NALCN: variants seen among roughly 807,000 people sequenced by gnomAD.
The protein encoded by NALCN is sodium leak channel, non-selective.
Under a neutral mutation model 225.3 loss-of-function variants are expected in NALCN, and 111 were observed. The ratio of observed to expected loss-of-function variants is 0.49; its 90% CI spans 0.42 to 0.58. NALCN has a LOEUF of 0.58. Among genes scored for constraint, NALCN ranks in the 20% least tolerant of loss-of-function variants. The pLI is 0.00. For missense variants in NALCN, 1,378 were observed against 2,202.4 expected, an observed-to-expected ratio of 0.63 and a Z score of 7.49; for synonymous variants, 764 against 769.0, an observed-to-expected ratio of 0.99 and a Z score of 0.11.
chr13:101,310,476 T>C (rs2044302119), intron 7 of NALCN, among the ~76,000 whole-genome samples: 1 of 152,122 alleles, frequency 6.6e-6, no homozygotes, highest in African/African-American at 2.4e-5. Context: ...GACTTGCCCC[T>C]TCCCAACTAC....
chr13:101,190,844 T>A (rs2039650329), intron 14 of NALCN, among the ~76,000 whole-genome samples: 1 of 152,210 alleles, frequency 6.6e-6, no homozygotes, highest in African/African-American at 2.4e-5. Context: ...GACAAAGACA[T>A]TTTTTCAGAC....
intron 10 of NALCN, among the ~76,000 whole-genome samples, chr13:101,265,276 C>A (rs751892112): frequency 2.0e-5 from 3 of 152,124 alleles, no homozygotes; most frequent in Non-Finnish European, 4.4e-5. Flanking sequence ...TGGTACCTGA[C>A]CATAGGGTTC....
chr13:101,288,420 C>G (rs911275753), intron 9 of NALCN, among the ~76,000 whole-genome samples: 1 of 152,174 alleles, frequency 6.6e-6, no homozygotes, highest in Admixed American at 6.5e-5. Flanking sequence ...CATTTTGGAT[C>G]ATGTGTCTTT....
intron 10 of NALCN, among the ~76,000 whole-genome samples, chr13:101,271,006 A>AT (rs2042758719): frequency 6.6e-6 from 1 of 152,222 alleles, no homozygotes; most frequent in African/African-American, 2.4e-5. Flanking sequence ...AATTAATATA[A>AT]TTGTAAACAT....
At position 101,083,317 on chromosome 13, in the gene NALCN, C is replaced by G. The variant is rs140429825; in HGVS notation, c.3584-119G>C. On this transcript the variant is annotated intron_variant, in intron 31 of 43. Transcript: ENST00000251127. ...TTACATTTTTCTCCCCAAACAGTTC[C>G]GTCTATTGTGAGGTGTTTTTGCAGC... 1.5e-3 allele frequency: 1,243 copies of G among 842,946 alleles called. 1 individual carries two copies. The highest frequency in any genetic ancestry group is 6.6e-3 in the Middle Eastern group (19 of 2,900). The allele number at this position is 842,946 out of a possible 1,614,324, so 52.2% of individuals were successfully genotyped here. A position where few individuals can be genotyped will look rare whatever the true frequency, so the allele number is the denominator to read the frequency against.
In NALCN at chr13:101,147,367, T is replaced by C. The variant is rs543016519; in HGVS notation, c.1840-2471A>G. On this transcript the variant is annotated intron_variant, in intron 15 of 43. Coordinates refer to ENST00000251127, the MANE Select transcript of NALCN (RefSeq NM_052867.4). ...TCCTCTCTCTCTCTTTTTTTTTTTT[T>C]TTTTTGAGATGGAGTCTTGCTCTGT... Among the ~76,000 whole-genome samples the C allele has an allele frequency of 1.8e-4, 27 of 149,696 alleles. No individual in the cohort carries two copies. The Middle Eastern group carries it at 0.01, about 57-fold the overall frequency.
intron 20 of NALCN, 137 bp from the exon 21 acceptor site, chr13:101,107,926 CATATATTT>C (rs1171518999): frequency 5.9e-5 from 19 of 321,440 alleles, no homozygotes; most frequent in East Asian, 1.8e-4. Context: ...TACTGTTAAA[CATATATTT>C]ATATATTTAT....
intron 40 of NALCN, among the ~76,000 whole-genome samples, chr13:101,062,818 G>T (rs1235465844): frequency 2.6e-5 from 4 of 152,016 alleles, no homozygotes; most frequent in African/African-American, 9.7e-5. Flanking sequence ...GGTCAAACTG[G>T]TCTTAAACTC....
intron 3 of NALCN, among the ~76,000 whole-genome samples, chr13:101,391,090 A>T (rs890399482): frequency 6.6e-6 from 1 of 152,176 alleles, no homozygotes; most frequent in African/African-American, 2.4e-5. Flanking sequence ...AAAATTAAAC[A>T]AAAATTAATA....
At chr13:101,330,366 A>G (rs747361033) in intron 7 of NALCN, among the ~76,000 whole-genome samples, 2 of 152,152 alleles carry the variant, frequency 1.3e-5, no homozygotes, top group Non-Finnish European at 2.9e-5. Context: ...CTGGGTCCCA[A>G]TAGAGAGAGG....
intron 10 of NALCN, 78 bp downstream of exon 10, chr13:101,283,855 G>C: frequency 8.2e-7 from 1 of 1,219,208 alleles, no homozygotes; most frequent in Non-Finnish European, 1.1e-6. Context: ...AGAGCTTAAA[G>C]AGCTGTGGAT....
intron 13 of NALCN, among the ~76,000 whole-genome samples, chr13:101,199,622 G>A (rs946091536): frequency 2.3e-5 from 3 of 131,926 alleles, no homozygotes; most frequent in East Asian, 2.5e-4. Flanking sequence ...ACACAGGAAG[G>A]GGAACATCAC....
At chr13:101,059,544 A>T (rs1258784690) in intron 42 of NALCN, among the ~76,000 whole-genome samples, 1 of 152,128 alleles carries the variant, frequency 6.6e-6, no homozygotes, top group Non-Finnish European at 1.5e-5. Flanking sequence ...AAATAAAACT[A>T]CAGAATTATG....
chr13:101,308,662 C>T (rs9554771), intron 7 of NALCN, among the ~76,000 whole-genome samples: 9 of 152,272 alleles, frequency 5.9e-5, no homozygotes, highest in East Asian at 1.9e-4. Flanking sequence ...TTCTCAGAAA[C>T]GGCTGATGTT....
chr13:101,324,128 A>G (rs752113899), intron 7 of NALCN, among the ~76,000 whole-genome samples: 9 of 152,228 alleles, frequency 5.9e-5, no homozygotes, highest in Non-Finnish European at 1.2e-4. Context: ...TGTGAAGGTT[A>G]GAATGGCTTG....
rs570166170 is a variant in NALCN at position 101,280,135 on chromosome 13, G to A, written c.1134+3798C>T. ...CTCTCTCTAATCACAGCTCCTGCCC[G>A]GTACAAACAGATAACTTCTTGGCCA... On this transcript the variant is annotated intron_variant, in intron 10 of 43. Coordinates refer to ENST00000251127, the MANE Select transcript of NALCN (RefSeq NM_052867.4). Among the ~76,000 whole-genome samples, 7 of 152,070 alleles carry A rather than the reference G, an allele frequency of 4.6e-5. No homozygotes were observed. In the East Asian group the frequency reaches 1.2e-3, roughly 25 times the overall value.
In NALCN at chr13:101,075,897, C is replaced by T. The variant is rs1375326173; in HGVS notation, c.3930G>A (p.Arg1310=). 1 of 1,609,676 alleles carries T rather than the reference C, an allele frequency of 6.2e-7. No homozygotes were observed. The highest frequency in any genetic ancestry group is 2.2e-5 in the East Asian group (1 of 44,504). Residue 1310 remains arginine, a synonymous_variant, in exon 35 of 44, where the codon AGG becomes AGA. Transcript: ENST00000251127. ...CATGTTTTCCACAGATGGAGAAAAA[C>T]CTAAATACAATCACACAAGCGCCCA... The part of the protein sequence containing the change: ...YMMGACVIVF[R]FFSICGKHVT...
At chr13:101,232,644 C>A (rs529175401) in intron 12 of NALCN, among the ~76,000 whole-genome samples, 1 of 152,060 alleles carries the variant, frequency 6.6e-6, no homozygotes, top group South Asian at 2.1e-4. Context: ...GACGGGGTTT[C>A]ACCATGTTAG....
intron 37 of NALCN, among the ~76,000 whole-genome samples, chr13:101,071,141 A>G (rs866752980): frequency 6.6e-6 from 1 of 152,220 alleles, no homozygotes; most frequent in African/African-American, 2.4e-5. Context: ...GGGAACTACA[A>G]TTCAAGATGA....
Sources: gnomAD v4.1 joint callset for allele counts (sites outside exome capture counted in the v4.1 genomes callset) on GRCh38, gnomAD v4.1.1 for gene constraint, MANE v1.5 for transcripts, NCBI Gene and HGNC (gene_info 2026-07-23, HGNC 2026-07-21) for gene names.